Variants in FAAP100 observed in about 807,000 individuals in gnomAD.
The protein encoded by FAAP100 is FA core complex associated protein 100, also known as Fanconi anemia core complex-associated protein 100.
A neutral mutation model predicts 65.8 loss-of-function variants in FAAP100; 46 were observed. The observed-to-expected ratio is 0.70, with a 90% CI of 0.55 to 0.89. The LOEUF (loss-of-function observed/expected upper bound fraction) is 0.89. Among genes scored for constraint, FAAP100 ranks in the 40% least tolerant of loss-of-function variants. FAAP100 has a pLI of 0.00. For missense variants in FAAP100, 1,165 were observed against 1,196.7 expected (o/e 0.97, Z 0.39); for synonymous variants, 663 against 555.1 (o/e 1.19, Z -2.73).
At position 81,546,898 on chromosome 17, in the gene FAAP100, G is replaced by A; in HGVS notation, c.2173+11C>T. On this transcript the variant is annotated intron_variant, in intron 5 of 8. Transcript: ENST00000327787. ...CCCCAAGGCTGAGCAAAGCCAAGCA[G>A]TGCCACCAACCTGAGTGGCCGTCCT... 7 of 1,378,722 alleles carry A rather than the reference G, an allele frequency of 5.1e-6. No homozygotes were observed. Among genetic ancestry groups the A allele is most frequent in the Non-Finnish European group, 6.6e-6 (7 of 1,059,698 alleles). 85.4% of individuals were successfully genotyped at this position (1,378,722 alleles called of 1,614,324 possible).
rs1379781745 is a variant in FAAP100 at position 81,549,097 on chromosome 17, G to A, written c.1403+109C>T. 4 of 1,129,474 alleles carry A rather than the reference G, an allele frequency of 3.5e-6. No homozygotes were observed. The African/African-American group carries it at 5.0e-5, about 14-fold the overall frequency. The allele number at this position is 1,129,474 out of a possible 1,614,324, so 70.0% of individuals were successfully genotyped here. A position where few individuals can be genotyped will look rare whatever the true frequency, so the allele number is the denominator to read the frequency against. On this transcript the variant is annotated intron_variant, in intron 4 of 8. Transcript: ENST00000327787. The stretch of plus-strand genomic sequence containing the variant: ...AAGAGGCCAAGTAATGGCCTGGCCT[G>A]GACCGTTGCCACCCGAGGACACTCA...
intron 6 of FAAP100, among the ~76,000 whole-genome samples, chr17:81,545,237 G>T (rs1354314548): frequency 5.3e-5 from 8 of 152,250 alleles, no homozygotes; most frequent in Non-Finnish European, 1.2e-4. Context: ...GGACACACGT[G>T]TCCTGGCAGC....
At chr17:81,551,795 C>G (rs1322752296) in intron 2 of FAAP100, 133 bp downstream of exon 2, 1 of 1,380,922 alleles carries the variant, frequency 7.2e-7, no homozygotes, top group Admixed American at 3.6e-5. Context: ...GATAATCGGG[C>G]AGGGATGGCG....
rs1405908130 is a variant in FAAP100 at position 81,544,041 on chromosome 17, A to G, written c.2390T>C (p.Ile797Thr). The change falls in exon 7 of 9, where the codon ATT becomes ACT. Residue 797 changes from isoleucine (I) to threonine (T), a missense_variant. Transcript: ENST00000327787. Reference sequence around the variant, plus strand: ...GACAACGGCATGGTGCGCCCTGCAAATGTCGGCCAGAGAGGAGCTTTCCAC... The same window carrying G: ...GACAACGGCATGGTGCGCCCTGCAAGTGTCGGCCAGAGAGGAGCTTTCCAC... ...IQVESSSLAD[I>T]CRAHHAVVGR... The G allele has an allele frequency of 1.2e-6, 2 of 1,612,648 alleles. No homozygotes were observed. The highest frequency in any genetic ancestry group is 2.2e-5 in the South Asian group (2 of 91,082).
At chr17:81,551,601 T>G (rs192215579) in intron 2 of FAAP100, 1 of 1,035,096 alleles carries the variant, frequency 9.7e-7, no homozygotes, top group Non-Finnish European at 1.3e-6. Flanking sequence ...TCACGGTGCC[T>G]TTGCTGTCTC....
intron 4 of FAAP100, 39 bp from the exon 5 acceptor site, chr17:81,547,717 A>C: frequency 2.5e-6 from 4 of 1,593,834 alleles, no homozygotes; most frequent in Non-Finnish European, 3.4e-6. Flanking sequence ...GCGGGGGGAC[A>C]CCCACAGCAC....
At chr17:81,552,361 C>G (rs1399064245), upstream of FAAP100, 2 of 1,313,614 alleles carry the variant, frequency 1.5e-6, no homozygotes, top group African/African-American at 1.5e-5. Flanking sequence ...AGTGAGAAGC[C>G]CCGGCCGCGC....
chr17:81,548,134 A>C, intron 4 of FAAP100: 1 of 607,284 alleles, frequency 1.6e-6, no homozygotes, highest in South Asian at 1.9e-5. Flanking sequence ...AAACAGCCCT[A>C]AACCACAGGG....
intron 5 of FAAP100, 71 bp from the exon 6 acceptor site, chr17:81,545,953 G>A (rs1458337707): frequency 1.3e-6 from 2 of 1,526,898 alleles, no homozygotes; most frequent in Admixed American, 1.9e-5. Flanking sequence ...CTACCAGGTG[G>A]GCATCTGCAT....
chr17:81,547,000 G>A lies in FAAP100; in HGVS notation c.2082C>T (p.Ala694=), dbSNP rs1051368795. The change falls in exon 5 of 9, where the codon GCC becomes GCT. Residue 694 remains alanine (A), a synonymous_variant. Coordinates refer to ENST00000327787, the MANE Select transcript of FAAP100 (RefSeq NM_025161.6). ...GGGGCAGGTACTCGGCCCGCAGGGAGGCGGGTCCTGCTGGCTGGCTGCCAG... is the reference window on the plus strand; with the variant it reads ...GGGGCAGGTACTCGGCCCGCAGGGAAGCGGGTCCTGCTGGCTGGCTGCCAG... ...REPGSQPAGP[A]SLRAEYLPPS... The A allele has an allele frequency of 2.6e-6, 4 of 1,525,036 alleles. No homozygotes were observed. In the Admixed American group the frequency reaches 8.9e-5, roughly 34 times the overall value. 94.5% of individuals were successfully genotyped at this position (1,525,036 alleles called of 1,614,324 possible). A position where few individuals can be genotyped will look rare whatever the true frequency, so the allele number is the denominator to read the frequency against.
chr17:81,545,982 T>C, intron 5 of FAAP100, 100 bp from the exon 6 acceptor site: 3 of 1,413,588 alleles, frequency 2.1e-6, no homozygotes, highest in Non-Finnish European at 2.8e-6. Flanking sequence ...CAAAGTGCCC[T>C]TCCCAGAGCC....
At position 81,551,062 on chromosome 17, in the gene FAAP100, C is replaced by A. The variant is rs1199653692; in HGVS notation, c.432G>T (p.Val144=). The A allele has an allele frequency of 2.5e-6, 4 of 1,594,608 alleles. No individual in the cohort carries two copies. In the African/African-American group the frequency reaches 5.4e-5, roughly 21 times the overall value. ...GCATCTTCCATCGGGCAGGGCCCTG[C>A]ACCAGGGTGACCAGCACACTGTCCA... The part of the protein sequence containing the change: ...TLLDSVLVTL[V]QGPARWKMQL... Residue 144 remains valine (V), a synonymous_variant, in exon 3 of 9, where the codon GTG becomes GTT. Transcript: ENST00000327787.
rs763860038 is a variant in FAAP100 at position 81,547,512 on chromosome 17, T to C, written c.1570A>G (p.Met524Val). 16 of 1,613,498 alleles carry C rather than the reference T, an allele frequency of 9.9e-6. No individual in the cohort carries two copies. Among genetic ancestry groups the C allele is most frequent in the African/African-American group, 1.3e-5 (1 of 75,040 alleles). Residue 524 changes from methionine (M) to valine (V), a missense_variant, in exon 5 of 9, where the codon ATG becomes GTG. Transcript: ENST00000327787. ...CTGTTCTCTAGCACGCAGGTGGCCA[T>C]GAGCACATCCTGTGTCTGCAGGCGG... ...WSRLQTQDVLMATCVLENSSS... is the reference protein window; with the variant it reads ...WSRLQTQDVLVATCVLENSSS...
intron 7 of FAAP100, among the ~76,000 whole-genome samples, chr17:81,541,827 C>T (rs1010168468): frequency 6.6e-6 from 1 of 152,110 alleles, no homozygotes. Flanking sequence ...ATTCACGCAG[C>T]CCAGCCCAGT....
At position 81,542,141 on chromosome 17, in the gene FAAP100, T is replaced by C. The variant is rs1247754147; in HGVS notation, c.2428-746A>G. Among the ~76,000 whole-genome samples, 702 of 111,420 alleles carry C rather than the reference T, an allele frequency of 6.3e-3. 3 individuals are homozygous for C. The highest frequency in any genetic ancestry group is 0.025 in the African/African-American group (673 of 27,356). 73.1% of individuals were successfully genotyped at this position (111,420 alleles called of 152,430 possible). Reference sequence around the variant, plus strand: ...GAGATCCCGCCACTGCACTCCAGCCTGGGCGACAGAGTGAGACTCCGTCTC... The same window carrying C: ...GAGATCCCGCCACTGCACTCCAGCCCGGGCGACAGAGTGAGACTCCGTCTC... On this transcript the variant is annotated intron_variant, in intron 7 of 8. Coordinates refer to ENST00000327787, the MANE Select transcript of FAAP100 (RefSeq NM_025161.6).
Position 81,540,806 on chromosome 17 carries a change from C to T in FAAP100, c.*13G>A. The T allele has an allele frequency of 6.6e-7, 1 of 1,506,524 alleles. No individual in the cohort carries two copies. Among genetic ancestry groups the T allele is most frequent in the Non-Finnish European group, 8.9e-7 (1 of 1,126,284 alleles). 93.3% of individuals were successfully genotyped at this position (1,506,524 alleles called of 1,614,324 possible). A position where few individuals can be genotyped will look rare whatever the true frequency, so the allele number is the denominator to read the frequency against. On this transcript the variant is annotated 3_prime_UTR_variant, in exon 9 of 9. Coordinates refer to ENST00000327787, the MANE Select transcript of FAAP100 (RefSeq NM_025161.6). ...TGGAAGCGTGGCCAGAGCCCAGGGG[C>T]AGGCCCGCCTGGTCACAGCAGGATG... is the stretch of plus-strand genomic sequence containing the variant.
rs868035908 is a variant in FAAP100, at chr17:81,547,310, C to A, written c.1772G>T (p.Gly591Val). Residue 591 changes from glycine (G) to valine (V), a missense_variant, in exon 5 of 9, where the codon GGG (glycine) becomes GTG (valine). By Grantham distance (109) the Gly-to-Val change is moderately radical. Coordinates refer to ENST00000327787, the MANE Select transcript of FAAP100 (RefSeq NM_025161.6). ...GGACACGGTCACGGGCAGGTCGAGCCCGCCGTTCTCACCAGGGCCCAGGGG... is the reference window on the plus strand; with the variant it reads ...GGACACGGTCACGGGCAGGTCGAGCACGCCGTTCTCACCAGGGCCCAGGGG... Reference protein sequence around the residue: ...TLPLGPGENGGLDLPVTVSCT... With the variant: ...TLPLGPGENGVLDLPVTVSCT... The A allele has an allele frequency of 1.9e-6, 3 of 1,612,470 alleles. No individual in the cohort carries two copies. Among genetic ancestry groups the A allele is most frequent in the Non-Finnish European group, 2.5e-6 (3 of 1,179,780 alleles).
chr17:81,550,621 C>T lies in FAAP100; in HGVS notation c.873G>A (p.Glu291=), dbSNP rs2033455360. The T allele has an allele frequency of 2.5e-6, 4 of 1,612,928 alleles. No individual in the cohort carries two copies. The highest frequency in any genetic ancestry group is 3.4e-6 in the Non-Finnish European group (4 of 1,180,034). The change falls in exon 3 of 9, where the codon GAG becomes GAA. Residue 291 remains glutamate (E), a synonymous_variant. Transcript: ENST00000327787. ...PVIFIGALKT[E]PQAAEAAENF... ...TCTCTGCAGCTTCTGCAGCCTGTGGCTCTGTCTTCAAGGCCCCTATGAAGA... is the reference window on the plus strand; with the variant it reads ...TCTCTGCAGCTTCTGCAGCCTGTGGTTCTGTCTTCAAGGCCCCTATGAAGA...
rs975482675 is a variant in FAAP100 at position 81,540,614 on chromosome 17, C to T, written c.*205G>A. ...AGCTGGACCGGCCAGGTTCAGAGCC[C>T]GCCTCGGTTGCTCCCAATCAGAATC... On this transcript the variant is annotated 3_prime_UTR_variant, in exon 9 of 9. Coordinates refer to ENST00000327787, the MANE Select transcript of FAAP100 (RefSeq NM_025161.6). 17 of 655,246 alleles carry T rather than the reference C, an allele frequency of 2.6e-5. No individual in the cohort carries two copies. The highest frequency in any genetic ancestry group is 4.5e-4 in the Middle Eastern group (1 of 2,220). The allele number at this position is 655,246 out of a possible 1,614,324, so 40.6% of individuals were successfully genotyped here.
Sources: allele counts gnomAD v4.1 joint callset (sites outside exome capture counted in the v4.1 genomes callset), GRCh38; gene constraint gnomAD v4.1.1; transcripts MANE v1.5; gene names NCBI Gene and HGNC (gene_info 2026-07-23, HGNC 2026-07-21).